The following PHTF1 variants were observed in gnomAD, a reference collection of about 807,000 sequenced individuals.
The protein encoded by PHTF1 is protein PHTF1.
Under a neutral mutation model 102.4 loss-of-function variants are expected in PHTF1, and 88 were observed. That is an observed-to-expected ratio of 0.86 (90% CI 0.72 to 1.03). The LOEUF (loss-of-function observed/expected upper bound fraction) is 1.03. PHTF1 is among the 50% of genes least tolerant of loss of function. The probability of loss-of-function intolerance (pLI) is 0.00; values close to 1 mark genes in which losing one functional copy is unlikely to be tolerated. For synonymous variants in PHTF1, 289 were observed against 305.2 expected, an observed-to-expected ratio of 0.95 and a Z score of 0.55; for missense variants, 814 against 909.5, an observed-to-expected ratio of 0.89 and a Z score of 1.35.
At position 113,697,612 on chromosome 1, in the gene PHTF1, C is replaced by A; in HGVS notation, c.*93G>T. 2.3e-6 allele frequency: 2 copies of A among 856,862 alleles called. No individual in the cohort carries two copies. The highest frequency in any genetic ancestry group is 4.0e-6 in the Non-Finnish European group (2 of 505,458). The allele number at this position is 856,862 out of a possible 1,614,324, so 53.1% of individuals were successfully genotyped here. On this transcript the variant is annotated 3_prime_UTR_variant, in exon 19 of 19. Coordinates refer to ENST00000369604, the MANE Select transcript of PHTF1 (RefSeq NM_001323043.2). ...GAGAGCACCTGTGCATGTGAACAAG[C>A]AGGTGGGTATCTCACTGGTTTCTGC...
chr1:113,726,481 T>G lies in PHTF1; in HGVS notation c.425A>C (p.His142Pro). The change falls in exon 6 of 19, where the codon CAC (histidine) becomes CCC (proline). Residue 142 changes from histidine (H) to proline (P), a missense_variant. Coordinates refer to ENST00000369604, the MANE Select transcript of PHTF1 (RefSeq NM_001323043.2). ...LCLMLLMGTVHCQIVSTQITR... is the reference protein window; with the variant it reads ...LCLMLLMGTVPCQIVSTQITR... ...TATCTGAGTAGACACAATTTGACAG[T>G]GGACAGTTCCCATGAGTAGCATAAG... 1 of 1,611,498 alleles carries G rather than the reference T, an allele frequency of 6.2e-7. No homozygotes were observed. The highest frequency in any genetic ancestry group is 8.5e-7 in the Non-Finnish European group (1 of 1,178,386).
chr1:113,711,717 T>C, intron 10 of PHTF1, 29 bp downstream of exon 10: 1 of 1,534,376 alleles, frequency 6.5e-7, no homozygotes, highest in Non-Finnish European at 9.0e-7. Context: ...CTCAAAAATA[T>C]ACCTTGATTT....
chr1:113,715,682 C>CAAAAAAAAAAAAAA (rs1553226392), intron 7 of PHTF1, among the ~76,000 whole-genome samples: 3 of 54,200 alleles, frequency 5.5e-5, no homozygotes, highest in Non-Finnish European at 1.3e-4. Context: ...AAAAAAAAAG[C>CAAAAAAAAAAAAAA]TATTTTGAGG....
Position 113,699,697 on chromosome 1 carries a change from GACTT to G in PHTF1, c.2142+3_2142+6del, listed in dbSNP as rs765556144. The G allele has an allele frequency of 2.0e-4, 222 of 1,138,424 alleles. No homozygotes were observed. Among genetic ancestry groups the G allele is most frequent in the Non-Finnish European group, 2.6e-4 (196 of 761,992 alleles). 70.5% of individuals were successfully genotyped at this position (1,138,424 alleles called of 1,614,324 possible). A position where few individuals can be genotyped will look rare whatever the true frequency, so the allele number is the denominator to read the frequency against. On this transcript the variant is annotated splice_donor_5th_base_variant and intron_variant, in intron 17 of 18. Coordinates refer to ENST00000369604, the MANE Select transcript of PHTF1 (RefSeq NM_001323043.2). Reference sequence around the variant, plus strand: ...ATAGTAAAAGTGTATCATAGCCTATGACTTACTTTCAACAACTTGGTGGACAGCT... The same window carrying G: ...ATAGTAAAAGTGTATCATAGCCTATGACTTTCAACAACTTGGTGGACAGCT...
chr1:113,752,501 C>T (rs765178492), intron 3 of PHTF1, among the ~76,000 whole-genome samples: 4 of 140,862 alleles, frequency 2.8e-5, no homozygotes, highest in Non-Finnish European at 6.1e-5. Context: ...CCCGGGTTCA[C>T]GCCATTCTCC....
intron 11 of PHTF1, among the ~76,000 whole-genome samples, chr1:113,709,736 C>T (rs1047879414): frequency 1.1e-4 from 16 of 152,238 alleles, no homozygotes; most frequent in Non-Finnish European, 2.1e-4. Context: ...CACCACATAA[C>T]AGATGGTAAA....
chr1:113,708,318 C>T (rs1650518198), intron 11 of PHTF1, among the ~76,000 whole-genome samples: 1 of 152,048 alleles, frequency 6.6e-6, no homozygotes, highest in Admixed American at 6.5e-5. Flanking sequence ...AGAACATAAG[C>T]GACTAAGGGT....
At chr1:113,700,131 C>CGATA (rs1346769588) in intron 16 of PHTF1, 6 of 992,102 alleles carry the variant, frequency 6.0e-6, no homozygotes, top group African/African-American at 1.7e-5. Context: ...CTCACTATCC[C>CGATA]CCTAGATAAT....
intron 17 of PHTF1, chr1:113,699,264 G>A: frequency 3.9e-6 from 1 of 253,216 alleles, no homozygotes; most frequent in Non-Finnish European, 7.8e-6. Context: ...TCCCCCAGTA[G>A]TCTCCTCACA....
intron 7 of PHTF1, among the ~76,000 whole-genome samples, chr1:113,722,551 AT>A (rs1192815454): frequency 3.3e-5 from 5 of 152,192 alleles, no homozygotes; most frequent in Non-Finnish European, 7.3e-5. Flanking sequence ...CAATCTACAG[AT>A]TCAATGCAAT....
chr1:113,733,437 G>A (rs1655009485), intron 5 of PHTF1, among the ~76,000 whole-genome samples: 1 of 152,004 alleles, frequency 6.6e-6, no homozygotes, highest in Non-Finnish European at 1.5e-5. Context: ...AAAACACATA[G>A]AAACCACCTA....
chr1:113,705,005 A>G (rs1157254930), intron 13 of PHTF1, among the ~76,000 whole-genome samples: 2 of 152,242 alleles, frequency 1.3e-5, no homozygotes, highest in Non-Finnish European at 2.9e-5. Context: ...ACTTCTTCAC[A>G]ATGTGGTACA....
At position 113,706,690 on chromosome 1, in the gene PHTF1, A is replaced by C; in HGVS notation, c.1302T>G (p.Pro434=). Residue 434 remains proline (P), a synonymous_variant, in exon 12 of 19, where the codon CCT becomes CCG. Transcript: ENST00000369604. ...NHLFWLQNSS[P]SSDRVSAIIW... ...TTATTGCACTAACTCGATCAGAGGA[A>C]GGACTTGAATTCTGAAGCCAGAATA... 6.2e-7 allele frequency: 1 copy of C among 1,608,564 alleles called. No individual in the cohort carries two copies. Among genetic ancestry groups the C allele is most frequent in the Non-Finnish European group, 8.5e-7 (1 of 1,176,584 alleles).
At position 113,706,665 on chromosome 1, in the gene PHTF1, T is replaced by C. The variant is rs539620827; in HGVS notation, c.1327A>G (p.Ile443Val). 1.2e-6 allele frequency: 2 copies of C among 1,609,406 alleles called. No homozygotes were observed. The highest frequency in any genetic ancestry group is 2.7e-5 in the African/African-American group (2 of 74,818). Residue 443 changes from isoleucine to valine, a missense_variant, in exon 12 of 19, where the codon ATC becomes GTC. Physicochemically the swap from Ile to Val is conservative, Grantham distance 29 (BLOSUM62 3). Coordinates refer to ENST00000369604, the MANE Select transcript of PHTF1 (RefSeq NM_001323043.2). ...SPSSDRVSAI[I>V]WEGNECKKMD... The stretch of plus-strand genomic sequence containing the variant: ...TTTTTGCACTCATTCCCCTCCCAGA[T>C]TATTGCACTAACTCGATCAGAGGAA...
At chr1:113,720,596 G>A (rs182640690) in intron 7 of PHTF1, among the ~76,000 whole-genome samples, 134 of 152,256 alleles carry the variant, frequency 8.8e-4, no homozygotes, top group African/African-American at 3.0e-3. Flanking sequence ...AAGTATCACC[G>A]GGAGGGTACA....
intron 7 of PHTF1, among the ~76,000 whole-genome samples, chr1:113,716,017 C>T (rs75174479): frequency 2.6e-5 from 4 of 151,998 alleles, no homozygotes; most frequent in East Asian, 1.9e-4. Flanking sequence ...CTTAAAGAGG[C>T]GGTAGAGAGA....
chr1:113,751,410 C>G (rs1004239099), intron 3 of PHTF1, among the ~76,000 whole-genome samples: 9 of 152,138 alleles, frequency 5.9e-5, no homozygotes, highest in African/African-American at 1.9e-4. Flanking sequence ...CCCCTCAATC[C>G]ATAGGCAACT....
intron 5 of PHTF1, among the ~76,000 whole-genome samples, chr1:113,733,058 T>TA: frequency 4.9e-5 from 6 of 123,148 alleles, no homozygotes; most frequent in African/African-American, 1.9e-4. Flanking sequence ...CACGCCTGGC[T>TA]AATTTTTTTT....
intron 6 of PHTF1, chr1:113,725,209 G>A (rs1330975695): frequency 1.1e-5 from 2 of 178,238 alleles, no homozygotes; most frequent in Admixed American, 1.2e-4. Context: ...AGCAGAAGGA[G>A]CAATTTCTTT....
Sources: allele counts gnomAD v4.1 joint callset (sites outside exome capture counted in the v4.1 genomes callset), GRCh38; gene constraint gnomAD v4.1.1; transcripts MANE v1.5; gene names NCBI Gene and HGNC (gene_info 2026-07-23, HGNC 2026-07-21).